Variants in KLHL8 observed in about 807,000 individuals in gnomAD.
KLHL8 encodes kelch-like protein 8.
In KLHL8, 38 loss-of-function variants were observed where a neutral mutation model predicts 63.5. The ratio of observed to expected loss-of-function variants is 0.60; its 90% CI spans 0.46 to 0.78. The LOEUF (loss-of-function observed/expected upper bound fraction) is 0.78. KLHL8 is among the 30% of genes least tolerant of loss of function. The probability of loss-of-function intolerance (pLI) is 0.00; values close to 1 mark genes in which losing one functional copy is unlikely to be tolerated. For synonymous variants in KLHL8, 224 were observed against 254.3 expected (o/e 0.88, Z 1.13); for missense variants, 566 against 752.4 (o/e 0.75, Z 2.90).
At chr4:87,178,938 T>C (rs1304171484) in intron 4 of KLHL8, among the ~76,000 whole-genome samples, 1 of 152,222 alleles carries the variant, frequency 6.6e-6, no homozygotes, top group Non-Finnish European at 1.5e-5. Context: ...AATTGCAACA[T>C]TTGATATGCT....
intron 6 of KLHL8, among the ~76,000 whole-genome samples, chr4:87,175,270 T>C (rs1730779827): frequency 6.6e-6 from 1 of 152,206 alleles, no homozygotes; most frequent in African/African-American, 2.4e-5. Flanking sequence ...CATCTATAGA[T>C]ACGGAGAGAT....
intron 2 of KLHL8, among the ~76,000 whole-genome samples, chr4:87,186,190 C>G (rs1485501360): frequency 6.6e-6 from 1 of 151,964 alleles, no homozygotes; most frequent in Non-Finnish European, 1.5e-5. Context: ...AGGCGTGCAC[C>G]ACCACGCCTG....
intron 4 of KLHL8, among the ~76,000 whole-genome samples, chr4:87,180,682 G>A (rs1731016433): frequency 6.6e-6 from 1 of 152,156 alleles, no homozygotes; most frequent in Non-Finnish European, 1.5e-5. Context: ...CTGCATAAAT[G>A]AATGCCTGGT....
intron 1 of KLHL8, among the ~76,000 whole-genome samples, chr4:87,197,800 G>A (rs1384430869): frequency 6.6e-6 from 1 of 151,874 alleles, no homozygotes; most frequent in Non-Finnish European, 1.5e-5. Flanking sequence ...AAAACAGATG[G>A]GACAAATAGA....
chr4:87,217,897 T>A (rs1481107694), intron 1 of KLHL8, among the ~76,000 whole-genome samples: 9 of 152,198 alleles, frequency 5.9e-5, no homozygotes, highest in Admixed American at 5.2e-4. Flanking sequence ...AAATTAATGT[T>A]TAAGATGTCT....
chr4:87,168,557 G>T (rs1313083074), intron 8 of KLHL8, among the ~76,000 whole-genome samples: 1 of 151,900 alleles, frequency 6.6e-6, no homozygotes, highest in Non-Finnish European at 1.5e-5. Context: ...GGGTTTTTAA[G>T]ATAGCACAAA....
chr4:87,230,626 T>C (rs1733118974), intron 1 of KLHL8, among the ~76,000 whole-genome samples: 1 of 152,234 alleles, frequency 6.6e-6, no homozygotes, highest in Non-Finnish European at 1.5e-5. Context: ...AAATCTTTTA[T>C]TAACACTTAA....
chr4:87,234,939 A>G (rs552357978), intron 1 of KLHL8, among the ~76,000 whole-genome samples: 2 of 152,362 alleles, frequency 1.3e-5, no homozygotes, highest in East Asian at 3.9e-4. Context: ...AAGAAAAGAA[A>G]AGAATAAAAA....
intron 1 of KLHL8, among the ~76,000 whole-genome samples, chr4:87,203,361 C>A (rs1452212356): frequency 6.6e-6 from 1 of 151,900 alleles, no homozygotes; most frequent in Non-Finnish European, 1.5e-5. Context: ...CATGATGAAA[C>A]CCCGTCTCTA....
chr4:87,164,013 T>G lies in KLHL8; in HGVS notation c.1604A>C (p.Asp535Ala), dbSNP rs758886368. 6.2e-7 allele frequency: 1 copy of G among 1,614,138 alleles called. No homozygotes were observed. The highest frequency in any genetic ancestry group is 8.5e-7 in the Non-Finnish European group (1 of 1,180,026). Residue 535 changes from aspartate to alanine, a missense_variant, in exon 9 of 10, where the codon GAT becomes GCT. Physicochemically the swap from Asp to Ala is moderately radical, Grantham distance 126 (BLOSUM62 -2). Coordinates refer to ENST00000273963, the MANE Select transcript of KLHL8 (RefSeq NM_020803.5). ...ERYDPRSNKWDYVAALTTPRG... is the reference protein window; with the variant it reads ...ERYDPRSNKWAYVAALTTPRG... ...GGGAGTAGTAAGTGCTGCCACATAATCCCACTTGTTGCTTCGGGGGTCATA... is the reference window on the plus strand; with the variant it reads ...GGGAGTAGTAAGTGCTGCCACATAAGCCCACTTGTTGCTTCGGGGGTCATA...
At chr4:87,182,101 C>T (rs1224113191) in intron 4 of KLHL8, among the ~76,000 whole-genome samples, 4 of 151,550 alleles carry the variant, frequency 2.6e-5, no homozygotes, top group Admixed American at 6.6e-5. Flanking sequence ...TGGTTGTGGG[C>T]GCCTGTAGTC....
rs760202911 is a variant in KLHL8, at chr4:87,185,320, A to G, written c.696T>C (p.Asn232=). 6.8e-6 allele frequency: 11 copies of G among 1,614,094 alleles called. No homozygotes were observed. The Admixed American group carries it at 1.8e-4, about 27-fold the overall frequency. ...LNIENEKQVY[N]AAIKWLLANP... Reference sequence around the variant, plus strand: ...TGGCAAGAAGCCACTTGATGGCAGCATTATAGACCTGCTTTTCATTTTCAA... The same window carrying G: ...TGGCAAGAAGCCACTTGATGGCAGCGTTATAGACCTGCTTTTCATTTTCAA... Residue 232 remains asparagine, a synonymous_variant, in exon 3 of 10, where the codon AAT becomes AAC. Transcript: ENST00000273963.
In KLHL8 at chr4:87,178,509, C is replaced by T. The variant is rs1436776051; in HGVS notation, c.1064G>A (p.Arg355Gln). The T allele has an allele frequency of 7.4e-6, 12 of 1,611,558 alleles. No homozygotes were observed. Among genetic ancestry groups the T allele is most frequent in the East Asian group, 4.5e-5 (2 of 44,696 alleles). Reference protein sequence around the residue: ...SWFFGPEMNSRRRHVGVISVE... With the variant: ...SWFFGPEMNSQRRHVGVISVE... ...AGAGATTACACCCACATGTCGCCTTCGACTATTCATTTCTGGTCCAAAGAA... is the reference window on the plus strand; with the variant it reads ...AGAGATTACACCCACATGTCGCCTTTGACTATTCATTTCTGGTCCAAAGAA... The change falls in exon 5 of 10, where the codon CGA (arginine) becomes CAA (glutamine). Residue 355 changes from arginine to glutamine, a missense_variant. By Grantham distance (43) the Arg-to-Gln change is conservative. Coordinates refer to ENST00000273963, the MANE Select transcript of KLHL8 (RefSeq NM_020803.5).
At position 87,164,055 on chromosome 4, in the gene KLHL8, A is replaced by G. The variant is rs1362775293; in HGVS notation, c.1562T>C (p.Leu521Pro). The change falls in exon 9 of 10, where the codon CTG becomes CCG. Residue 521 changes from leucine to proline, a missense_variant. Coordinates refer to ENST00000273963, the MANE Select transcript of KLHL8 (RefSeq NM_020803.5). ...VVGGFDDNSP[L>P]SSVERYDPRS... is the part of the protein sequence containing the mutation. ...GGGGTCATACCGCTCAACTGAACTC[A>G]GAGGAGAATTATCATCAAAACCACC... 1 of 1,614,046 alleles carries G rather than the reference A, an allele frequency of 6.2e-7. No individual in the cohort carries two copies. The highest frequency in any genetic ancestry group is 8.5e-7 in the Non-Finnish European group (1 of 1,179,994).
At position 87,227,644 on chromosome 4, in the gene KLHL8, G is replaced by A. The variant is rs369485123; in HGVS notation, n.58-6254C>T. On this transcript the variant is annotated intron_variant and non_coding_transcript_variant, in intron 1 of 1. Transcript: ENST00000506274. ...AGCTGGAGCAACAAATCCAGACCTCGTGTCTAAATAAATAACTAAGTTATT... is the reference window on the plus strand; with the variant it reads ...AGCTGGAGCAACAAATCCAGACCTCATGTCTAAATAAATAACTAAGTTATT... 1.7e-4 allele frequency among the ~76,000 whole-genome samples: 26 copies of A among 152,208 alleles called. No individual in the cohort carries two copies. The East Asian group carries it at 4.2e-3, about 25-fold the overall frequency.
At chr4:87,212,334 G>C (rs1732433916) in intron 1 of KLHL8, among the ~76,000 whole-genome samples, 1 of 152,050 alleles carries the variant, frequency 6.6e-6, no homozygotes, top group Non-Finnish European at 1.5e-5. Flanking sequence ...AAAACAACCA[G>C]TTACCAATGA....
chr4:87,234,791 C>G (rs550553188), intron 1 of KLHL8, among the ~76,000 whole-genome samples: 1 of 152,134 alleles, frequency 6.6e-6, no homozygotes, highest in Non-Finnish European at 1.5e-5. Flanking sequence ...GATGACAACT[C>G]CATGTGGGTT....
chr4:87,169,686 A>C (rs1357949442), intron 8 of KLHL8, among the ~76,000 whole-genome samples: 1 of 152,138 alleles, frequency 6.6e-6, no homozygotes, highest in Non-Finnish European at 1.5e-5. Context: ...ACACAGCAAG[A>C]ACCCATCTCT....
intron 1 of KLHL8, among the ~76,000 whole-genome samples, chr4:87,234,633 A>G (rs1733195742): frequency 6.6e-6 from 1 of 152,228 alleles, no homozygotes; most frequent in South Asian, 2.1e-4. Flanking sequence ...ATACTTGATA[A>G]GAAATGACTA....
Sources: gnomAD v4.1 joint callset for allele counts (sites outside exome capture counted in the v4.1 genomes callset) on GRCh38, gnomAD v4.1.1 for gene constraint, MANE v1.5 for transcripts, NCBI Gene and HGNC (gene_info 2026-07-23, HGNC 2026-07-21) for gene names.